AKNAD1: variants seen among roughly 807,000 people sequenced by gnomAD.
The protein encoded by AKNAD1 is AKNA domain containing 1, also known as protein AKNAD1.
Under a neutral mutation model 90.8 loss-of-function variants are expected in AKNAD1, and 67 were observed. The observed-to-expected ratio is 0.74, with a 90% CI of 0.61 to 0.90. AKNAD1 has a LOEUF of 0.90. Among genes scored for constraint, AKNAD1 ranks in the 40% least tolerant of loss-of-function variants. AKNAD1 has a pLI of 0.00. For synonymous variants in AKNAD1, 327 were observed against 341.4 expected (o/e 0.96, Z 0.46); for missense variants, 957 against 975.4 (o/e 0.98, Z 0.25).
chr1:108,826,736 C>CT (rs1450499628), intron 11 of AKNAD1, among the ~76,000 whole-genome samples: 1,773 of 114,672 alleles, frequency 0.015, 86 homozygotes, highest in African/African-American at 0.059. Context: ...CTTTTCTTTT[C>CT]TTTTTCTTTT....
chr1:108,819,681 G>A (rs1176509769), intron 14 of AKNAD1, among the ~76,000 whole-genome samples: 1 of 151,970 alleles, frequency 6.6e-6, no homozygotes, highest in Non-Finnish European at 1.5e-5. Context: ...GGTGACCAAG[G>A]TGGGAAGATC....
intron 2 of AKNAD1, among the ~76,000 whole-genome samples, chr1:108,849,876 T>C (rs1216552686): frequency 1.3e-5 from 2 of 152,208 alleles, no homozygotes; most frequent in African/African-American, 2.4e-5. Flanking sequence ...ATCAGGCAGG[T>C]GGTAAGCATG....
intron 3 of AKNAD1, 134 bp from the exon 4 acceptor site, chr1:108,849,194 ATC>A: frequency 1.2e-6 from 1 of 844,146 alleles, no homozygotes; most frequent in Non-Finnish European, 1.7e-6. Context: ...CAAAATATTT[ATC>A]TAGGCCAGGC....
In AKNAD1 at chr1:108,852,106, C is replaced by T. The variant is rs1391862913; in HGVS notation, c.559G>A (p.Ala187Thr). 6.2e-7 allele frequency: 1 copy of T among 1,614,038 alleles called. No individual in the cohort carries two copies. The highest frequency in any genetic ancestry group is 1.3e-5 in the African/African-American group (1 of 74,898). Residue 187 changes from alanine (A) to threonine (T), a missense_variant, in exon 2 of 16, where the codon GCC becomes ACC. Ala to Thr is a moderately conservative substitution (Grantham distance 58, BLOSUM62 0). Transcript: ENST00000370001. ...DGENSNKPGS[A>T]TTTEENTSDL... ...GAGGTATTTTCCTCTGTCGTGGTGG[C>T]AGAACCAGGCTTATTGCTGTTTTCA...
chr1:108,844,631 C>T (rs1208321162), intron 5 of AKNAD1, among the ~76,000 whole-genome samples: 1 of 151,994 alleles, frequency 6.6e-6, no homozygotes, highest in Non-Finnish European at 1.5e-5. Context: ...CAGGATCAGA[C>T]ACAGCTGGGT....
At position 108,835,956 on chromosome 1, in the gene AKNAD1, A is replaced by G. The variant is rs541704856; in HGVS notation, c.1537-900T>C. 3.9e-5 allele frequency among the ~76,000 whole-genome samples: 6 copies of G among 152,294 alleles called. No homozygotes were observed. The East Asian group carries it at 9.6e-4, about 24-fold the overall frequency. On this transcript the variant is annotated intron_variant, in intron 7 of 15. Transcript: ENST00000370001. ...TTAAGTATATGTCTCTCTTACAGAA[A>G]TGTAAGCATCTTGAGGGCAGGTGAT...
At chr1:108,844,478 A>C (rs1664647196) in intron 5 of AKNAD1, among the ~76,000 whole-genome samples, 3 of 152,084 alleles carry the variant, frequency 2.0e-5, no homozygotes, top group Admixed American at 2.0e-4. Context: ...ACCTTTGCCA[A>C]GGCCCAGTGG....
At chr1:108,820,507 G>A in intron 14 of AKNAD1, 38 bp downstream of exon 14, 1 of 1,376,486 alleles carries the variant, frequency 7.3e-7, no homozygotes, top group Non-Finnish European at 1.0e-6. Flanking sequence ...CCCAACCAAT[G>A]AGAAATATTT....
intron 10 of AKNAD1, 48 bp downstream of exon 10, chr1:108,830,511 G>A (rs1212407398): frequency 3.2e-6 from 5 of 1,574,854 alleles, no homozygotes; most frequent in East Asian, 2.2e-5. Flanking sequence ...TACTATGCCA[G>A]GACTGACTCC....
intron 13 of AKNAD1, chr1:108,822,944 T>C: frequency 2.4e-6 from 1 of 424,486 alleles, no homozygotes; most frequent in East Asian, 3.5e-5. Flanking sequence ...GCATTGGAAG[T>C]TAGCAACATG....
At chr1:108,850,384 T>G (rs900252994) in intron 2 of AKNAD1, among the ~76,000 whole-genome samples, 2 of 152,076 alleles carry the variant, frequency 1.3e-5, no homozygotes, top group African/African-American at 4.8e-5. Flanking sequence ...GAGCCTGATA[T>G]CCATCTGCTC....
intron 7 of AKNAD1, chr1:108,837,292 C>A: frequency 2.9e-6 from 1 of 349,398 alleles, no homozygotes; most frequent in South Asian, 9.4e-5. Context: ...GAAGAAATAG[C>A]TCTTCGGTGG....
In AKNAD1 at chr1:108,848,758, CTT is replaced by C. The variant is rs1432918981; in HGVS notation, c.1237_1238del (p.Lys413GlufsTer12). 1.2e-6 allele frequency: 2 copies of C among 1,606,076 alleles called. No individual in the cohort carries two copies. The highest frequency in any genetic ancestry group is 1.7e-6 in the Non-Finnish European group (2 of 1,178,156). ...ACGGGATAAAATTCATTACCAGCTTCTTGTCTTGCAAATGGTAAGGAGAGTCC... is the reference window on the plus strand; with the variant it reads ...ACGGGATAAAATTCATTACCAGCTTCGTCTTGCAAATGGTAAGGAGAGTCC... ...KQDSPYHLQD[K>X]KLVLEKLQGH... On this transcript the variant is annotated frameshift_variant, in exon 5 of 16. Transcript: ENST00000370001. LOFTEE classifies it high-confidence loss of function.
rs1166645922 is a variant in AKNAD1, at chr1:108,849,644, C to T, written c.994-68G>A. 2.6e-6 allele frequency: 3 copies of T among 1,137,574 alleles called. No homozygotes were observed. The African/African-American group carries it at 4.6e-5, about 18-fold the overall frequency. 70.5% of individuals were successfully genotyped at this position (1,137,574 alleles called of 1,614,324 possible). A position where few individuals can be genotyped will look rare whatever the true frequency, so the allele number is the denominator to read the frequency against. On this transcript the variant is annotated intron_variant, in intron 2 of 15. Coordinates refer to ENST00000370001, the MANE Select transcript of AKNAD1 (RefSeq NM_152763.5). ...TCAATGACACCACCGTTCAGAATGACCCAACATGTTCTGTCATCATAGAGG... is the reference window on the plus strand; with the variant it reads ...TCAATGACACCACCGTTCAGAATGATCCAACATGTTCTGTCATCATAGAGG...
rs151079595 is a variant in AKNAD1 at position 108,853,280 on chromosome 1, C to T, written c.-103-513G>A. On this transcript the variant is annotated intron_variant, in intron 1 of 15. Transcript: ENST00000370001. Reference sequence around the variant, plus strand: ...CCGAGCAGCCGGGACTACAGGTGCCCGCCACCACGCCCAGCTAATTTTTTG... The same window carrying T: ...CCGAGCAGCCGGGACTACAGGTGCCTGCCACCACGCCCAGCTAATTTTTTG... Among the ~76,000 whole-genome samples the T allele has an allele frequency of 1.1e-3, 168 of 151,958 alleles. 1 individual carries two copies. Among genetic ancestry groups the T allele is most frequent in the Non-Finnish European group, 1.2e-3 (83 of 67,934 alleles).
chr1:108,837,351 T>A, intron 7 of AKNAD1, 199 bp downstream of exon 7: 1 of 529,186 alleles, frequency 1.9e-6, no homozygotes. Context: ...TAAAGATGTT[T>A]CAAAAATTAA....
chr1:108,835,747 C>T (rs1333572940), intron 7 of AKNAD1, among the ~76,000 whole-genome samples: 1 of 152,002 alleles, frequency 6.6e-6, no homozygotes, highest in Admixed American at 6.5e-5. Flanking sequence ...GCCTCAGCCT[C>T]CCAAGTAGCT....
chr1:108,819,331 T>C (rs1243493024), intron 14 of AKNAD1, among the ~76,000 whole-genome samples: 2 of 151,976 alleles, frequency 1.3e-5, no homozygotes, highest in Non-Finnish European at 2.9e-5. Context: ...AAAACTTAAT[T>C]GGGTGGGCCT....
chr1:108,856,726 A>G (rs1473496639), intron 1 of AKNAD1, among the ~76,000 whole-genome samples: 1 of 151,912 alleles, frequency 6.6e-6, no homozygotes, highest in African/African-American at 2.4e-5. Context: ...TCTCACACAC[A>G]CATAAACACA....
Sources: allele counts gnomAD v4.1 joint callset (sites outside exome capture counted in the v4.1 genomes callset), GRCh38; gene constraint gnomAD v4.1.1; transcripts MANE v1.5; gene names NCBI Gene and HGNC (gene_info 2026-07-23, HGNC 2026-07-21).